NR1I2: variants seen among roughly 807,000 people sequenced by gnomAD.
The protein encoded by NR1I2 is orphan nuclear receptor PAR1.
Under a neutral mutation model 43.3 loss-of-function variants are expected in NR1I2, and 42 were observed. The ratio of observed to expected loss-of-function variants is 0.97; its 90% CI spans 0.76 to 1.26. The LOEUF is 1.26. Among genes scored for constraint, NR1I2 ranks in the 50% most tolerant of loss-of-function variants. The pLI is 0.00. For synonymous variants in NR1I2, 229 were observed against 215.0 expected (o/e 1.06, Z -0.57); for missense variants, 559 against 566.7 (o/e 0.99, Z 0.14).
intron 1 of NR1I2, among the ~76,000 whole-genome samples, chr3:119,789,250 CT>C (rs1303577323): frequency 2.6e-5 from 4 of 152,102 alleles, no homozygotes. Context: ...CTTTTTCTTC[CT>C]GATTGTAGTG....
At chr3:119,795,051 T>C (rs768937196) in intron 1 of NR1I2, among the ~76,000 whole-genome samples, 3 of 152,236 alleles carry the variant, frequency 2.0e-5, no homozygotes, top group Non-Finnish European at 2.9e-5. Flanking sequence ...TACTTGCCCA[T>C]TGACTAACCT....
chr3:119,793,824 G>A (rs1267347361), intron 1 of NR1I2, among the ~76,000 whole-genome samples: 1 of 152,086 alleles, frequency 6.6e-6, no homozygotes, highest in Non-Finnish European at 1.5e-5. Context: ...CTACCATAAG[G>A]ACACGATCAA....
In NR1I2 at chr3:119,807,314, T is replaced by C. The variant is rs1315404276; in HGVS notation, c.64T>C (p.Ser22Pro). ...CTTTGTACACTGTGAGGACACAGAG[T>C]CTGTTCCTGGAAAGCCCAGTGTCAA... Residue 22 changes from serine to proline, a missense_variant, in exon 2 of 9, where the codon TCT becomes CCT. Coordinates refer to ENST00000393716, the MANE Select transcript of NR1I2 (RefSeq NM_003889.4). 1 of 1,614,002 alleles carries C rather than the reference T, an allele frequency of 6.2e-7. No individual in the cohort carries two copies. The highest frequency in any genetic ancestry group is 8.5e-7 in the Non-Finnish European group (1 of 1,180,010).
chr3:119,794,818 G>A (rs72554005), intron 1 of NR1I2, among the ~76,000 whole-genome samples: 6,720 of 152,198 alleles, frequency 0.044, 205 homozygotes, highest in Middle Eastern at 0.092. Context: ...CATGCCTTGC[G>A]GTCCCAGCTA....
At chr3:119,804,585 T>G (rs2055126163) in intron 1 of NR1I2, among the ~76,000 whole-genome samples, 1 of 151,504 alleles carries the variant, frequency 6.6e-6, no homozygotes, top group Non-Finnish European at 1.5e-5. Flanking sequence ...GCTGGGATTA[T>G]AGGCACCCGC....
intron 1 of NR1I2, among the ~76,000 whole-genome samples, chr3:119,790,762 A>G (rs2054906328): frequency 6.6e-6 from 1 of 152,220 alleles, no homozygotes; most frequent in South Asian, 2.1e-4. Flanking sequence ...AATTTTCCAA[A>G]CCACACAACT....
intron 3 of NR1I2, 85 bp downstream of exon 3, chr3:119,810,279 G>A: frequency 6.6e-7 from 1 of 1,510,266 alleles, no homozygotes; most frequent in Non-Finnish European, 8.9e-7. Context: ...ATGCTTGTGT[G>A]GAGATGCGCG....
intron 1 of NR1I2, among the ~76,000 whole-genome samples, chr3:119,788,149 T>G (rs1318376152): frequency 1.3e-5 from 2 of 152,184 alleles, no homozygotes; most frequent in African/African-American, 4.8e-5. Flanking sequence ...GGTCTTGCTG[T>G]GTCACCTAGG....
At chr3:119,811,747 A>G in intron 4 of NR1I2, 21 bp downstream of exon 4, 2 of 1,587,520 alleles carry the variant, frequency 1.3e-6, no homozygotes, top group African/African-American at 2.7e-5. Flanking sequence ...CTGCACAGTG[A>G]CCCGAGGTGT....
At chr3:119,810,397 C>A (rs2107972795) in intron 3 of NR1I2, 1 of 702,582 alleles carries the variant, frequency 1.4e-6, no homozygotes, top group East Asian at 2.7e-5. Flanking sequence ...TGGAGGGAGT[C>A]GGTAATCTCT....
At position 119,817,528 on chromosome 3, in the gene NR1I2, C is replaced by A; in HGVS notation, c.*316C>A. On this transcript the variant is annotated 3_prime_UTR_variant, in exon 9 of 9. Transcript: ENST00000393716. ...AAGGCCCTGTGGTCTGGGGAGAAAT[C>A]CCTCAGATCCCACTAAAGTGTCAAG... 8.1e-7 allele frequency: 1 copy of A among 1,234,870 alleles called. No homozygotes were observed. Among genetic ancestry groups the A allele is most frequent in the Non-Finnish European group, 1.0e-6 (1 of 972,642 alleles). 76.5% of individuals were successfully genotyped at this position (1,234,870 alleles called of 1,614,324 possible).
Position 119,807,268 on chromosome 3 carries a change from AG to A in NR1I2, c.19del (p.Glu7LysfsTer50), listed in dbSNP as rs865877778. The A allele has an allele frequency of 6.2e-7, 1 of 1,614,222 alleles. No individual in the cohort carries two copies. The highest frequency in any genetic ancestry group is 1.3e-5 in the African/African-American group (1 of 75,042). ...AAGCAAACCTGGAGGTGAGACCCAA[AG>A]AAAGCTGGAACCATGCTGACTTTGT... On this transcript the variant is annotated frameshift_variant, in exon 2 of 9. Transcript: ENST00000393716. LOFTEE classifies it high-confidence loss of function.
At chr3:119,797,591 TAC>T (rs2055018847) in intron 1 of NR1I2, among the ~76,000 whole-genome samples, 1 of 152,210 alleles carries the variant, frequency 6.6e-6, no homozygotes, top group Non-Finnish European at 1.5e-5. Flanking sequence ...TATACATATC[TAC>T]ACACACAGAT....
chr3:119,794,293 C>A (rs1429843721), intron 1 of NR1I2, among the ~76,000 whole-genome samples: 1 of 151,732 alleles, frequency 6.6e-6, no homozygotes, highest in African/African-American at 2.4e-5. Flanking sequence ...CCTGGGCTCA[C>A]GTAATCTTTT....
chr3:119,785,682 C>A (rs2054833844), intron 1 of NR1I2, among the ~76,000 whole-genome samples: 1 of 152,162 alleles, frequency 6.6e-6, no homozygotes, highest in South Asian at 2.1e-4. Flanking sequence ...CATGACTTCC[C>A]TTTCTCATGC....
chr3:119,795,944 T>A (rs918648256), intron 1 of NR1I2, among the ~76,000 whole-genome samples: 1 of 152,200 alleles, frequency 6.6e-6, no homozygotes. Flanking sequence ...CCAATTCCTG[T>A]TTGGCCCAAA....
Position 119,810,149 on chromosome 3 carries a change from G to A in NR1I2, c.286G>A (p.Ala96Thr), listed in dbSNP as rs1157083954. 6.2e-7 allele frequency: 1 copy of A among 1,612,812 alleles called. No homozygotes were observed. Among genetic ancestry groups the A allele is most frequent in the Non-Finnish European group, 8.5e-7 (1 of 1,179,686 alleles). The stretch of plus-strand genomic sequence containing the variant: ...CCGGAAGACCCGGCGACAGTGCCAG[G>A]CCTGCCGCCTGCGCAAGTGCCTGGA... The change falls in exon 3 of 9, where the codon GCC becomes ACC. Residue 96 changes from alanine (A) to threonine (T), a missense_variant. By Grantham distance (58) the Ala-to-Thr change is moderately conservative (BLOSUM62 0). Transcript: ENST00000393716.
At chr3:119,810,300 G>C in intron 3 of NR1I2, 106 bp downstream of exon 3, 1 of 1,461,780 alleles carries the variant, frequency 6.8e-7, no homozygotes, top group Non-Finnish European at 9.2e-7. Flanking sequence ...CCGAGTGTGC[G>C]CGTGAACACA....
Position 119,807,225 on chromosome 3 carries a change from C to A in NR1I2, c.-22-4C>A. ...TTCATTCTCTGTGGTTTTCTCATTT[C>A]TAGTCCAAGAGGCCCAGAAGCAAAC... On this transcript the variant is annotated splice_polypyrimidine_tract_variant and splice_region_variant and intron_variant, in intron 1 of 8. Transcript: ENST00000393716. 1 of 1,613,322 alleles carries A rather than the reference C, an allele frequency of 6.2e-7. No individual in the cohort carries two copies. Among genetic ancestry groups the A allele is most frequent in the Non-Finnish European group, 8.5e-7 (1 of 1,179,338 alleles).
Sources: allele counts gnomAD v4.1 joint callset (sites outside exome capture counted in the v4.1 genomes callset), GRCh38; gene constraint gnomAD v4.1.1; transcripts MANE v1.5; gene names NCBI Gene and HGNC (gene_info 2026-07-23, HGNC 2026-07-21).